The following DNASE1 variants were observed in gnomAD, a reference collection of about 807,000 sequenced individuals.
The protein encoded by DNASE1 is deoxyribonuclease-1.
In DNASE1, 40 loss-of-function variants were observed where a neutral mutation model predicts 33.9. The observed-to-expected ratio is 1.18, with a 90% CI of 0.92 to 1.54. The LOEUF is 1.54. Ranked by LOEUF, DNASE1 falls within the 40% of genes most tolerant of loss-of-function variation. DNASE1 has a pLI of 0.00. For synonymous variants in DNASE1, 216 were observed against 160.0 expected, an observed-to-expected ratio of 1.35 and a Z score of -2.64; for missense variants, 518 against 372.6, an observed-to-expected ratio of 1.39 and a Z score of -3.21.
intron 2 of DNASE1, 123 bp downstream of exon 2, chr16:3,655,643 G>A: frequency 1.3e-6 from 2 of 1,502,098 alleles, no homozygotes; most frequent in Non-Finnish European, 1.8e-6. Context: ...ACTGCTCCCA[G>A]CACGGTGGAA....
chr16:3,658,307 C>T (rs2042842721), downstream of DNASE1: 2 of 1,212,066 alleles, frequency 1.7e-6, no homozygotes, highest in East Asian at 2.4e-5. Flanking sequence ...GACAGAGTCT[C>T]ACTGTTGCCG....
upstream of DNASE1, chr16:3,652,149 G>A (rs958414459): frequency 6.6e-6 from 1 of 152,438 alleles, no homozygotes; most frequent in Non-Finnish European, 1.5e-5. Context: ...AGGAAGCAGG[G>A]GCACTATGCC....
intron 1 of DNASE1, among the ~76,000 whole-genome samples, chr16:3,637,520 T>G (rs1278857505): frequency 6.6e-6 from 1 of 152,148 alleles, no homozygotes; most frequent in Non-Finnish European, 1.5e-5. Context: ...GGGGCTGGAG[T>G]TAGGCCCTTT....
chr16:3,664,437 C>A, exon 10 of DNASE1: 1 of 1,611,842 alleles, frequency 6.2e-7, no homozygotes, highest in South Asian at 1.1e-5. Context: ...GGACTCGTAG[C>A]GCAGCAGCTT....
chr16:3,622,894 G>C (rs2041373024), intron 1 of DNASE1, among the ~76,000 whole-genome samples: 1 of 152,164 alleles, frequency 6.6e-6, no homozygotes, highest in South Asian at 2.1e-4. Context: ...AATGAACAAA[G>C]GTTCTTCAAA....
At chr16:3,657,397 ACTCATAGGTCGGG>A in intron 7 of DNASE1, 56 bp downstream of exon 7, 1 of 1,599,148 alleles carries the variant, frequency 6.3e-7, no homozygotes, top group South Asian at 1.1e-5. Flanking sequence ...GGCAGCCGTG[ACTCATAGGTCGGG>A]CTTCAGAAGC....
intron 3 of DNASE1, 67 bp from the exon 4 acceptor site, chr16:3,656,035 C>T (rs564957794): frequency 9.6e-5 from 154 of 1,611,332 alleles, no homozygotes; most frequent in African/African-American, 9.3e-5. Context: ...GGCACAGCCT[C>T]GCTATCGGCA....
At chr16:3,651,271 TA>T (rs1225484452), upstream of DNASE1, 3 of 152,348 alleles carry the variant, frequency 2.0e-5, no homozygotes, top group East Asian at 5.8e-4. Flanking sequence ...TAGATGTCAA[TA>T]TAATTGTTGT....
exon 10 of DNASE1, chr16:3,663,571 G>A (rs1186089907): frequency 6.2e-7 from 1 of 1,613,432 alleles, no homozygotes; most frequent in African/African-American, 1.3e-5. Context: ...ACCTGCAGGT[G>A]GCCAAGAGCA....
chr16:3,653,824 A>C (rs1402063341), upstream of DNASE1: 3 of 145,662 alleles, frequency 2.1e-5, no homozygotes, highest in East Asian at 2.0e-4. Context: ...AAAAAAAAAA[A>C]AAAAAAAAAA....
downstream of DNASE1, chr16:3,661,944 T>G (rs746007043): frequency 1.3e-6 from 2 of 1,553,480 alleles, no homozygotes; most frequent in African/African-American, 2.7e-5. Flanking sequence ...CACAGGATTC[T>G]GGGGAATCCC....
intron 1 of DNASE1, 78 bp downstream of exon 1, chr16:3,655,122 C>T: frequency 5.0e-6 from 3 of 601,234 alleles, no homozygotes; most frequent in Non-Finnish European, 5.9e-6. Flanking sequence ...CATCCTCCAG[C>T]AGCGAGTGAG....
At chr16:3,650,102 TTG>T, upstream of DNASE1, among the ~76,000 whole-genome samples, 2 of 152,346 alleles carry the variant, frequency 1.3e-5, no homozygotes, top group South Asian at 4.1e-4. Context: ...TGTAAGTAGG[TTG>T]TGTGAGTTAA....
At chr16:3,664,795 G>C (rs2050790448) in exon 10 of DNASE1, 1 of 266,044 alleles carries the variant, frequency 3.8e-6, no homozygotes, top group Non-Finnish European at 7.2e-6. Context: ...CTCAGTGACA[G>C]AGTCAGTCTC....
intron 5 of DNASE1, 117 bp from the exon 6 acceptor site, chr16:3,656,877 TTCAAG>T: frequency 3.2e-6 from 5 of 1,543,470 alleles, no homozygotes; most frequent in Non-Finnish European, 4.4e-6. Flanking sequence ...GGGTTTTCCA[TTCAAG>T]TCATTTGGAA....
At chr16:3,658,760 G>T (rs2042879922), downstream of DNASE1, 1 of 1,600,540 alleles carries the variant, frequency 6.2e-7, no homozygotes, top group South Asian at 1.1e-5. Context: ...GGTAGCCTGG[G>T]TCCCTGCAGT....
At chr16:3,647,289 G>A (rs1034678523) in intron 1 of DNASE1, among the ~76,000 whole-genome samples, 1 of 95,620 alleles carries the variant, frequency 1.0e-5, no homozygotes, top group African/African-American at 4.5e-5. Flanking sequence ...TTTTCTTTTT[G>A]AGACAAGGTC....
exon 10 of DNASE1, chr16:3,664,782 G>A: frequency 3.4e-6 from 1 of 291,130 alleles, no homozygotes; most frequent in Non-Finnish European, 6.4e-6. Flanking sequence ...TCTTCCCTCT[G>A]CCCTCAGTGA....
intron 1 of DNASE1, among the ~76,000 whole-genome samples, chr16:3,619,515 C>T (rs2041229082): frequency 6.6e-6 from 1 of 151,798 alleles, no homozygotes; most frequent in Non-Finnish European, 1.5e-5. Context: ...GCTCCCGCCA[C>T]CACGCCTAGC....
Sources: gnomAD v4.1 joint callset for allele counts (sites outside exome capture counted in the v4.1 genomes callset) on GRCh38, gnomAD v4.1.1 for gene constraint, MANE v1.5 for transcripts, NCBI Gene and HGNC (gene_info 2026-07-23, HGNC 2026-07-21) for gene names.